The following RBPMS variants were observed in gnomAD, a reference collection of about 807,000 sequenced individuals.
RBPMS encodes the protein RNA binding protein, mRNA processing factor, also known as RNA-binding protein with multiple splicing.
RBPMS carries 7 observed loss-of-function variants against 26.8 expected under a neutral mutation model. That is an observed-to-expected ratio of 0.26 (90% CI 0.15 to 0.49). RBPMS has a LOEUF of 0.49. Ranked by LOEUF, RBPMS falls within the 20% of genes least tolerant of loss-of-function variation. The probability of loss-of-function intolerance (pLI) is 0.98; values close to 1 mark genes in which losing one functional copy is unlikely to be tolerated. For synonymous variants in RBPMS, 96 were observed against 93.3 expected, an observed-to-expected ratio of 1.03 and a Z score of -0.17; for missense variants, 186 against 250.0, an observed-to-expected ratio of 0.74 and a Z score of 1.73.
At chr8:30,450,712 GCA>G (rs1172228156) in intron 1 of RBPMS, among the ~76,000 whole-genome samples, 5 of 142,408 alleles carry the variant, frequency 3.5e-5, no homozygotes, top group Admixed American at 7.6e-5. Context: ...CTAAAAGCTG[GCA>G]CAGTCTTTTA....
chr8:30,549,331 G>T (rs1021904281), intron 6 of RBPMS, among the ~76,000 whole-genome samples: 1 of 152,206 alleles, frequency 6.6e-6, no homozygotes, highest in Admixed American at 6.5e-5. Flanking sequence ...GATTCCTAAG[G>T]TATATACTGT....
intron 1 of RBPMS, among the ~76,000 whole-genome samples, chr8:30,433,109 C>A (rs1293320661): frequency 6.6e-6 from 1 of 152,328 alleles, no homozygotes; most frequent in South Asian, 2.1e-4. Context: ...TCACTCCCCC[C>A]AAACTTGACT....
At chr8:30,434,796 C>CAG (rs1812279054) in intron 1 of RBPMS, among the ~76,000 whole-genome samples, 1 of 151,304 alleles carries the variant, frequency 6.6e-6, no homozygotes, top group Admixed American at 6.6e-5. Flanking sequence ...CACACACACA[C>CAG]ACACATTTAG....
intron 1 of RBPMS, among the ~76,000 whole-genome samples, chr8:30,389,684 T>C (rs1298736114): frequency 6.6e-6 from 1 of 152,072 alleles, no homozygotes; most frequent in East Asian, 1.9e-4. Flanking sequence ...AGAGGCACTC[T>C]ATCTAACATG....
At chr8:30,549,540 GCGCTC>G (rs1162178730) in intron 6 of RBPMS, 1 of 1,614,188 alleles carries the variant, frequency 6.2e-7, no homozygotes, top group African/African-American at 1.3e-5. Context: ...CACCCCTTGA[GCGCTC>G]CGTCTCCTGA....
At chr8:30,450,078 A>G (rs1304711805) in intron 1 of RBPMS, among the ~76,000 whole-genome samples, 1 of 152,232 alleles carries the variant, frequency 6.6e-6, no homozygotes. Context: ...AGGTTGCCGC[A>G]TTAAAATAAG....
At chr8:30,413,197 G>C (rs1201030730) in intron 1 of RBPMS, among the ~76,000 whole-genome samples, 1 of 152,170 alleles carries the variant, frequency 6.6e-6, no homozygotes, top group Non-Finnish European at 1.5e-5. Context: ...TCCTGCCTCA[G>C]CCTCCTGAGT....
At chr8:30,541,258 C>T (rs1322924575) in intron 5 of RBPMS, among the ~76,000 whole-genome samples, 1 of 152,180 alleles carries the variant, frequency 6.6e-6, no homozygotes, top group East Asian at 1.9e-4. Context: ...AGATGATCTT[C>T]CCAAGCTCTG....
At chr8:30,437,005 C>CTCTGCCTCCTGGGTTCACGCCATTCT (rs1265125565) in intron 1 of RBPMS, among the ~76,000 whole-genome samples, 51 of 150,514 alleles carry the variant, frequency 3.4e-4, no homozygotes, top group African/African-American at 1.2e-3. Flanking sequence ...TCACTGCAAG[C>CTCTGCCTCCTGGGTTCACGCCATTCT]TCTGCCTCCT....
Position 30,571,728 on chromosome 8 carries a change from C to G in RBPMS, c.*1203C>G, listed in dbSNP as rs1828259175. ...AGGCAGTGGGCATTTGGAACCAATT[C>G]TATTCAGACTTCGTCAAAGCCAAAG... On this transcript the variant is annotated 3_prime_UTR_variant, in exon 9 of 9. Transcript: ENST00000397323. 6.6e-6 allele frequency: 1 copy of G among 152,326 alleles called. No individual in the cohort carries two copies. Among genetic ancestry groups the G allele is most frequent in the South Asian group, 2.1e-4 (1 of 4,838 alleles). 9.4% of individuals were successfully genotyped at this position (152,326 alleles called of 1,614,324 possible).
intron 1 of RBPMS, 49 bp from the exon 2 acceptor site, chr8:30,474,730 T>C: frequency 9.5e-7 from 1 of 1,053,280 alleles, no homozygotes; most frequent in Non-Finnish European, 1.5e-6. Flanking sequence ...GAGAGTTAAC[T>C]CTCTGGAGTG....
intron 1 of RBPMS, among the ~76,000 whole-genome samples, chr8:30,435,159 A>G (rs972934071): frequency 6.6e-5 from 10 of 152,340 alleles, no homozygotes; most frequent in African/African-American, 2.4e-4. Flanking sequence ...AGTCAAACAC[A>G]GTCAAAACTT....
At position 30,556,814 on chromosome 8, in the gene RBPMS, T is replaced by C. The variant is rs1046036184; in HGVS notation, c.529-2073T>C. 12 of 980,834 alleles carry C rather than the reference T, an allele frequency of 1.2e-5. No individual in the cohort carries two copies. In the African/African-American group the frequency reaches 2.1e-4, roughly 17 times the overall value. 60.8% of individuals were successfully genotyped at this position (980,834 alleles called of 1,614,324 possible). On this transcript the variant is annotated intron_variant, in intron 6 of 8. Transcript: ENST00000397323. ...CCGTGGGTAGGTATGAGTTCTTTCT[T>C]CTCCCCACCTCTGCCCTCCCTCTCC...
At chr8:30,566,769 TCCC>T (rs1414437092) in intron 8 of RBPMS, among the ~76,000 whole-genome samples, 1 of 152,108 alleles carries the variant, frequency 6.6e-6, no homozygotes, top group East Asian at 1.9e-4. Context: ...AATGTGTATA[TCCC>T]CCCATCTTAT....
intron 1 of RBPMS, among the ~76,000 whole-genome samples, chr8:30,448,790 G>C (rs546442616): frequency 6.6e-6 from 1 of 152,290 alleles, no homozygotes; most frequent in African/African-American, 2.4e-5. Flanking sequence ...GTATCTGTTG[G>C]ATTCAGGATT....
chr8:30,518,715 T>TTTTTTTTTTTTTTTTTTTTC (rs1554533805), intron 5 of RBPMS, among the ~76,000 whole-genome samples: 1 of 129,924 alleles, frequency 7.7e-6, no homozygotes, highest in South Asian at 2.5e-4. Context: ...TTTTTTTTTT[T>TTTTTTTTTTTTTTTTTTTTC]CTGAAAAGGA....
In RBPMS at chr8:30,385,115, A is replaced by C; in HGVS notation, c.23A>C (p.Glu8Ala). 1 of 1,527,738 alleles carries C rather than the reference A, an allele frequency of 6.5e-7. No homozygotes were observed. The highest frequency in any genetic ancestry group is 8.8e-7 in the Non-Finnish European group (1 of 1,138,986). The allele number at this position is 1,527,738 out of a possible 1,614,324, so 94.6% of individuals were successfully genotyped here. MNNGGKA[E>A]KENTPSEANL... ...AAGATGAACAACGGCGGCAAAGCCG[A>C]GAAGGAGAACACCCCGAGCGAGGCC... The change falls in exon 1 of 9, where the codon GAG (glutamate) becomes GCG (alanine). Residue 8 changes from glutamate (E) to alanine (A), a missense_variant. Physicochemically the swap from Glu to Ala is moderately radical, Grantham distance 107 (BLOSUM62 -1). Transcript: ENST00000397323.
At chr8:30,391,528 T>C (rs969488361) in intron 1 of RBPMS, among the ~76,000 whole-genome samples, 1 of 152,186 alleles carries the variant, frequency 6.6e-6, no homozygotes, top group African/African-American at 2.4e-5. Flanking sequence ...AGTGGCTGCA[T>C]AGCTCAGTGG....
At chr8:30,418,512 T>G (rs530239042) in intron 1 of RBPMS, among the ~76,000 whole-genome samples, 60 of 152,156 alleles carry the variant, frequency 3.9e-4, no homozygotes, top group Non-Finnish European at 7.9e-4. Flanking sequence ...TTTCCACAAT[T>G]TGGTTATCTT....
Sources: allele counts gnomAD v4.1 joint callset (sites outside exome capture counted in the v4.1 genomes callset), GRCh38; gene constraint gnomAD v4.1.1; transcripts MANE v1.5; gene names NCBI Gene and HGNC (gene_info 2026-07-23, HGNC 2026-07-21).